TRPM3: variants seen among roughly 807,000 people sequenced by gnomAD.
TRPM3 encodes the protein transient receptor potential cation channel subfamily M member 3, also known as long transient receptor potential channel 3.
TRPM3 carries 77 observed loss-of-function variants against 181.2 expected under a neutral mutation model. That is an observed-to-expected ratio of 0.42 (90% CI 0.35 to 0.51). TRPM3 has a LOEUF of 0.51. Ranked by LOEUF, TRPM3 falls within the 20% of genes least tolerant of loss-of-function variation. The probability of loss-of-function intolerance (pLI) is 0.01; values close to 1 mark genes in which losing one functional copy is unlikely to be tolerated. For synonymous variants in TRPM3, 745 were observed against 796.4 expected, an observed-to-expected ratio of 0.94 and a Z score of 1.09; for missense variants, 1,759 against 2,196.7, an observed-to-expected ratio of 0.80 and a Z score of 3.98.
At position 71,028,456 on chromosome 9, in the gene TRPM3, T is replaced by G. The variant is rs1311138521; in HGVS notation, c.177+92722A>C. Among the ~76,000 whole-genome samples, 3 of 152,102 alleles carry G rather than the reference T, an allele frequency of 2.0e-5. No homozygotes were observed. The South Asian group carries it at 6.2e-4, about 32-fold the overall frequency. ...GCATGCTGACATTATCAAATCCACATGTATCAATACTAACCTTGAATGCAA... is the reference window on the plus strand; with the variant it reads ...GCATGCTGACATTATCAAATCCACAGGTATCAATACTAACCTTGAATGCAA... On this transcript the variant is annotated intron_variant, in intron 1 of 25. Transcript: ENST00000677713.
chr9:71,247,119 T>C (rs113845044), intron 1 of TRPM3, among the ~76,000 whole-genome samples: 1,642 of 152,246 alleles, frequency 0.011, 26 homozygotes, highest in East Asian at 0.074. Flanking sequence ...TGCCTCAGCC[T>C]CCCAGTGTGC....
intron 1 of TRPM3, among the ~76,000 whole-genome samples, chr9:71,391,486 G>T (rs1272146898): frequency 6.6e-6 from 1 of 151,902 alleles, no homozygotes; most frequent in Non-Finnish European, 1.5e-5. Context: ...ATAGATTAAT[G>T]ATATTTATTC....
At chr9:71,209,470 AT>A (rs1342557938) in intron 1 of TRPM3, among the ~76,000 whole-genome samples, 1 of 152,124 alleles carries the variant, frequency 6.6e-6, no homozygotes, top group Non-Finnish European at 1.5e-5. Flanking sequence ...GGAAATAAAA[AT>A]TTCAAAGTCA....
At chr9:71,189,596 T>C (rs989923139) in intron 1 of TRPM3, among the ~76,000 whole-genome samples, 7 of 151,772 alleles carry the variant, frequency 4.6e-5, no homozygotes, top group African/African-American at 1.7e-4. Context: ...CTATCACTTT[T>C]TCATGTCTTT....
At chr9:70,954,293 C>G (rs2097040537) in intron 1 of TRPM3, among the ~76,000 whole-genome samples, 1 of 152,160 alleles carries the variant, frequency 6.6e-6, no homozygotes, top group South Asian at 2.1e-4. Flanking sequence ...TTCAGCATGT[C>G]CCGCAGGCCT....
At chr9:70,761,092 GACATTTTGCTCTGATTTTAGAAAC>G (rs1042028445) in intron 8 of TRPM3, 40 of 233,992 alleles carry the variant, frequency 1.7e-4, no homozygotes, top group Admixed American at 8.8e-4. Context: ...ACATTTGTAA[GACATTTTGCTCTGATTTTAGAAAC>G]ACATTTTGCT....
At chr9:70,823,892 C>T (rs1007809800) in intron 6 of TRPM3, among the ~76,000 whole-genome samples, 7 of 152,222 alleles carry the variant, frequency 4.6e-5, no homozygotes, top group African/African-American at 1.7e-4. Flanking sequence ...TGAAAGGCTT[C>T]TCTTTTATAA....
intron 1 of TRPM3, among the ~76,000 whole-genome samples, chr9:71,423,551 T>C (rs2093813852): frequency 6.6e-6 from 1 of 152,088 alleles, no homozygotes; most frequent in Non-Finnish European, 1.5e-5. Context: ...AAGTTTGTTT[T>C]CTCTCAATAT....
intron 6 of TRPM3, among the ~76,000 whole-genome samples, chr9:70,815,034 A>T (rs1478722747): frequency 6.6e-6 from 1 of 152,068 alleles, no homozygotes; most frequent in Non-Finnish European, 1.5e-5. Context: ...TCCCACCTCA[A>T]GTCTCACTCC....
chr9:70,840,571 A>C (rs2094572557), intron 5 of TRPM3, among the ~76,000 whole-genome samples: 1 of 152,116 alleles, frequency 6.6e-6, no homozygotes, highest in African/African-American at 2.4e-5. Flanking sequence ...TGGAATGCAT[A>C]AGTTTCTAGT....
intron 6 of TRPM3, among the ~76,000 whole-genome samples, chr9:70,811,517 T>C (rs1245322038): frequency 6.6e-6 from 1 of 152,160 alleles, no homozygotes; most frequent in Non-Finnish European, 1.5e-5. Context: ...GCTTCTGTGG[T>C]GTGGAAAGGG....
intron 3 of TRPM3, among the ~76,000 whole-genome samples, chr9:70,856,636 C>G (rs2132275456): frequency 6.6e-6 from 1 of 152,236 alleles, no homozygotes; most frequent in African/African-American, 2.4e-5. Context: ...ACCTCACACC[C>G]ACAACGCCCA....
intron 8 of TRPM3, among the ~76,000 whole-genome samples, chr9:70,684,211 T>C (rs2066201755): frequency 6.6e-6 from 1 of 152,138 alleles, no homozygotes; most frequent in Non-Finnish European, 1.5e-5. Flanking sequence ...AGGTTTGAGG[T>C]TGAGGAAAGG....
rs1440207613 is a variant in TRPM3, at chr9:70,625,011, G to C, written c.1809+180C>G. On this transcript the variant is annotated intron_variant, in intron 14 of 25. Coordinates refer to ENST00000677713, the MANE Select transcript of TRPM3 (RefSeq NM_001366145.2). The surrounding 1 kb of genome is among the most constrained non-coding windows in gnomAD (Gnocchi z 4.8). ...AAGACCCAAAACCTGGAAAACTGCT[G>C]AGTTTAATAATCTCAATGATAAGAT... Among the ~76,000 whole-genome samples, 1 of 152,166 alleles carries C rather than the reference G, an allele frequency of 6.6e-6. No homozygotes were observed. Among genetic ancestry groups the C allele is most frequent in the Non-Finnish European group, 1.5e-5 (1 of 68,026 alleles).
rs116413800 is a variant in TRPM3, at chr9:71,216,323, G to T, written c.183+230330C>A. Among the ~76,000 whole-genome samples the T allele has an allele frequency of 7.1e-3, 1,080 of 152,306 alleles. 16 individuals are homozygous for T. Among genetic ancestry groups the T allele is most frequent in the African/African-American group, 0.024 (980 of 41,578 alleles). On this transcript the variant is annotated intron_variant, in intron 1 of 24. Transcript: ENST00000357533. ...GTCAAACAGATAAAATGCATTAAAA[G>T]ATCTTTACACTTATTTCTCTCTCAT...
At chr9:71,010,719 G>A (rs116062389) in intron 1 of TRPM3, among the ~76,000 whole-genome samples, 437 of 152,146 alleles carry the variant, frequency 2.9e-3, no homozygotes, top group African/African-American at 9.8e-3. Context: ...CAATATGAGC[G>A]TTCCACAAAA....
chr9:70,667,237 C>A (rs936545892), intron 9 of TRPM3, among the ~76,000 whole-genome samples: 1 of 151,922 alleles, frequency 6.6e-6, no homozygotes, highest in African/African-American at 2.4e-5. Context: ...TGGAAATGAT[C>A]AACTGTGAAC....
intron 1 of TRPM3, among the ~76,000 whole-genome samples, chr9:71,391,365 C>A (rs2093058056): frequency 6.6e-6 from 1 of 151,906 alleles, no homozygotes; most frequent in Admixed American, 6.6e-5. Context: ...CAAGCAACTA[C>A]AACTGTCTAC....
chr9:70,547,336 A>T (rs1215398025), intron 25 of TRPM3, among the ~76,000 whole-genome samples: 3 of 152,010 alleles, frequency 2.0e-5, no homozygotes, highest in Non-Finnish European at 4.4e-5. Flanking sequence ...TCTCTTGCTC[A>T]ATCAAATGTA....
Sources: allele counts gnomAD v4.1 joint callset (sites outside exome capture counted in the v4.1 genomes callset), GRCh38; gene constraint gnomAD v4.1.1; non-coding constraint Gnocchi (gnomAD v3.1); transcripts MANE v1.5; gene names NCBI Gene and HGNC (gene_info 2026-07-23, HGNC 2026-07-21).